DLG2: variants seen among roughly 807,000 people sequenced by gnomAD.
DLG2 encodes the protein disks large homolog 2.
DLG2 carries 45 observed loss-of-function variants against 132.5 expected under a neutral mutation model. That is an observed-to-expected ratio of 0.34 (90% CI 0.27 to 0.44). The LOEUF is 0.44. Among genes scored for constraint, DLG2 ranks in the 20% least tolerant of loss-of-function variants. DLG2 has a pLI of 1.00. For synonymous variants in DLG2, 424 were observed against 419.6 expected (o/e 1.01, Z -0.13); for missense variants, 1,045 against 1,196.9 (o/e 0.87, Z 1.87).
At chr11:85,459,810 G>T (rs907418719) in intron 3 of DLG2, among the ~76,000 whole-genome samples, 1 of 152,142 alleles carries the variant, frequency 6.6e-6, no homozygotes, top group Admixed American at 6.5e-5. Flanking sequence ...CAACTGAAAT[G>T]TTCAGGTTGA....
At chr11:83,813,645 C>G (rs2047993830) in intron 17 of DLG2, among the ~76,000 whole-genome samples, 1 of 152,076 alleles carries the variant, frequency 6.6e-6, no homozygotes, top group African/African-American at 2.4e-5. Flanking sequence ...AAAACTAAAC[C>G]TGTTACGAAC....
At chr11:84,945,855 T>C (rs1591658730) in intron 6 of DLG2, among the ~76,000 whole-genome samples, 1 of 152,114 alleles carries the variant, frequency 6.6e-6, no homozygotes, top group East Asian at 1.9e-4. Context: ...GGATCTGGAT[T>C]TGGGAACCTG....
At chr11:85,181,519 A>C (rs757847411) in intron 4 of DLG2, among the ~76,000 whole-genome samples, 1 of 151,672 alleles carries the variant, frequency 6.6e-6, no homozygotes, top group Non-Finnish European at 1.5e-5. Context: ...GTGTCATGTC[A>C]TATAATTGCA....
chr11:84,697,289 T>C (rs1293515259), intron 6 of DLG2, among the ~76,000 whole-genome samples: 2 of 151,418 alleles, frequency 1.3e-5, no homozygotes. Context: ...AAGAATCTAA[T>C]ATGACAAGCC....
At chr11:85,241,829 G>C (rs1440249647) in intron 4 of DLG2, among the ~76,000 whole-genome samples, 1 of 151,880 alleles carries the variant, frequency 6.6e-6, no homozygotes, top group Non-Finnish European at 1.5e-5. Context: ...ATTAAGGTTT[G>C]TGAGTTCCCC....
chr11:83,714,622 T>C (rs1375369024), intron 18 of DLG2, among the ~76,000 whole-genome samples: 1 of 152,196 alleles, frequency 6.6e-6, no homozygotes, highest in East Asian at 1.9e-4. Flanking sequence ...GAAAGATGAG[T>C]AGCATTTCTA....
chr11:84,104,832 T>C (rs1469917730), intron 9 of DLG2, among the ~76,000 whole-genome samples: 3 of 152,070 alleles, frequency 2.0e-5, no homozygotes, highest in Non-Finnish European at 4.4e-5. Flanking sequence ...TTAAGGGAAC[T>C]AACATTTATT....
chr11:84,252,129 T>G lies in DLG2; in HGVS notation c.520-838A>C, dbSNP rs1301212608. 2.0e-5 allele frequency among the ~76,000 whole-genome samples: 3 copies of G among 148,022 alleles called. No homozygotes were observed. The East Asian group carries it at 5.9e-4, about 29-fold the overall frequency. ...ACATTATGCGTGCTGTATCCTGTATTTTCTTTCTTTCTTTTTTTTTTTTTT... is the reference window on the plus strand; with the variant it reads ...ACATTATGCGTGCTGTATCCTGTATGTTCTTTCTTTCTTTTTTTTTTTTTT... On this transcript the variant is annotated intron_variant, in intron 7 of 27. Coordinates refer to ENST00000376104, the MANE Select transcript of DLG2 (RefSeq NM_001142699.3).
intron 3 of DLG2, among the ~76,000 whole-genome samples, chr11:85,516,478 A>G (rs2094171682): frequency 6.6e-6 from 1 of 152,118 alleles, no homozygotes; most frequent in African/African-American, 2.4e-5. Flanking sequence ...GACCAAAAAA[A>G]AGAATCAACC....
intron 3 of DLG2, among the ~76,000 whole-genome samples, chr11:85,550,752 T>C (rs553412390): frequency 2.4e-4 from 37 of 152,376 alleles, no homozygotes; most frequent in African/African-American, 7.9e-4. Flanking sequence ...TTCTGCACTA[T>C]ATGAGACTTT....
chr11:84,476,272 G>A (rs1423766507), intron 7 of DLG2, among the ~76,000 whole-genome samples: 1 of 151,878 alleles, frequency 6.6e-6, no homozygotes, highest in Non-Finnish European at 1.5e-5. Context: ...TGACATGACT[G>A]GAAATTATTT....
chr11:85,285,168 G>A lies in DLG2; in HGVS notation c.186+52C>T. The A allele has an allele frequency of 2.0e-6, 3 of 1,498,666 alleles. No individual in the cohort carries two copies. In the South Asian group the frequency reaches 3.7e-5, roughly 19 times the overall value. 92.8% of individuals were successfully genotyped at this position (1,498,666 alleles called of 1,614,324 possible). ...CACCACTACTACCATTACTTCTTTA[G>A]TGGCCTAAGTCCTAGTATTATTCAG... On this transcript the variant is annotated intron_variant, in intron 4 of 27. Coordinates refer to ENST00000376104, the MANE Select transcript of DLG2 (RefSeq NM_001142699.3).
At chr11:84,130,725 C>G (rs1358530228) in intron 9 of DLG2, among the ~76,000 whole-genome samples, 1 of 151,700 alleles carries the variant, frequency 6.6e-6, no homozygotes, top group African/African-American at 2.4e-5. Context: ...CAGAAATAAA[C>G]CACTGCTCTC....
chr11:84,912,403 G>T (rs533068777), intron 6 of DLG2, among the ~76,000 whole-genome samples: 1 of 152,190 alleles, frequency 6.6e-6, no homozygotes, highest in Non-Finnish European at 1.5e-5. Flanking sequence ...TGATCCGCCC[G>T]CCTGGGCCTC....
intron 6 of DLG2, among the ~76,000 whole-genome samples, chr11:84,882,924 G>A (rs1382429086): frequency 6.6e-6 from 1 of 151,878 alleles, no homozygotes; most frequent in Non-Finnish European, 1.5e-5. Flanking sequence ...TTTTCAATAG[G>A]AATTTGCCAT....
intron 3 of DLG2, chr11:85,285,967 T>TAA (rs370848971): frequency 1.6e-5 from 5 of 311,208 alleles, no homozygotes; most frequent in African/African-American, 9.2e-5. Context: ...GTAGGCAAAT[T>TAA]AAAAAAAAAA....
chr11:84,966,129 C>T (rs2053291413), intron 6 of DLG2, among the ~76,000 whole-genome samples: 1 of 151,794 alleles, frequency 6.6e-6, no homozygotes, highest in Admixed American at 6.6e-5. Context: ...GTAAAGGTTA[C>T]TCTTCTTTCA....
intron 7 of DLG2, among the ~76,000 whole-genome samples, chr11:84,482,022 A>T (rs2099139125): frequency 1.3e-5 from 2 of 152,110 alleles, no homozygotes; most frequent in African/African-American, 4.8e-5. Flanking sequence ...TAAATTATCT[A>T]TTTTTCTTTA....
At chr11:84,271,167 C>G (rs114761267) in intron 7 of DLG2, among the ~76,000 whole-genome samples, 1 of 152,082 alleles carries the variant, frequency 6.6e-6, no homozygotes, top group Admixed American at 6.6e-5. Context: ...AAAAGAAGCT[C>G]TCATGAAATT....
Sources: gnomAD v4.1 joint callset for allele counts (sites outside exome capture counted in the v4.1 genomes callset) on GRCh38, gnomAD v4.1.1 for gene constraint, MANE v1.5 for transcripts, NCBI Gene and HGNC (gene_info 2026-07-23, HGNC 2026-07-21) for gene names.